Variants in ZNF710 observed in about 807,000 individuals in gnomAD.
The protein encoded by ZNF710 is zinc finger protein 710.
A neutral mutation model predicts 50.6 loss-of-function variants in ZNF710; 13 were observed. That is an observed-to-expected ratio of 0.26 (90% confidence interval 0.17 to 0.41). The LOEUF (loss-of-function observed/expected upper bound fraction) is 0.41. Ranked by LOEUF, ZNF710 falls within the 10% of genes least tolerant of loss-of-function variation. The probability of loss-of-function intolerance (pLI) is 1.00; values close to 1 mark genes in which losing one functional copy is unlikely to be tolerated. For synonymous variants in ZNF710, 383 were observed against 397.0 expected (o/e 0.96, Z 0.42); for missense variants, 721 against 936.6 (o/e 0.77, Z 3.01).
At chr15:90,046,777 G>C (rs1443412333) in intron 1 of ZNF710, among the ~76,000 whole-genome samples, 2 of 152,188 alleles carry the variant, frequency 1.3e-5, no homozygotes, top group African/African-American at 4.8e-5. Flanking sequence ...TCCTCCCTCT[G>C]AGTCTGGGTG....
intron 1 of ZNF710, among the ~76,000 whole-genome samples, chr15:90,052,515 A>C (rs1203901002): frequency 1.3e-5 from 2 of 152,220 alleles, no homozygotes; most frequent in African/African-American, 4.8e-5. Context: ...AGAGGAGTAA[A>C]TGGGGAAGAA....
chr15:90,020,487 CG>C (rs1555455966), intron 1 of ZNF710, among the ~76,000 whole-genome samples: 6,347 of 45,522 alleles, frequency 0.14, 245 homozygotes, highest in African/African-American at 0.25. Flanking sequence ...ACTGCCTCCC[CG>C]CCCCCGGGGA....
intron 1 of ZNF710, among the ~76,000 whole-genome samples, chr15:90,056,699 G>T: frequency 6.6e-6 from 1 of 152,192 alleles, no homozygotes; most frequent in South Asian, 2.1e-4. Context: ...CAGGCCCATG[G>T]CTTCTGGGAT....
chr15:90,008,892 G>A (rs960128229), intron 1 of ZNF710, among the ~76,000 whole-genome samples: 4 of 152,126 alleles, frequency 2.6e-5, no homozygotes, highest in Non-Finnish European at 5.9e-5. Flanking sequence ...AAAACTGTTG[G>A]AAATGTGAGG....
At chr15:90,050,119 C>A (rs1048183346) in intron 1 of ZNF710, among the ~76,000 whole-genome samples, 3 of 152,238 alleles carry the variant, frequency 2.0e-5, no homozygotes, top group African/African-American at 7.2e-5. Context: ...GTCCCTCCCC[C>A]CAGGAGATAC....
At chr15:90,001,082 GAGAAATA>G (rs1387768831), upstream of ZNF710, among the ~76,000 whole-genome samples, 2 of 152,096 alleles carry the variant, frequency 1.3e-5, no homozygotes, top group Admixed American at 1.3e-4. Context: ...AACCCTTTTA[GAGAAATA>G]AGAAAGGAGG....
intron 1 of ZNF710, among the ~76,000 whole-genome samples, chr15:90,045,070 A>G (rs1035758044): frequency 2.0e-5 from 3 of 151,172 alleles, no homozygotes; most frequent in Admixed American, 6.6e-5. Flanking sequence ...TCCCCCTTTG[A>G]CTCCCCCACA....
In ZNF710 at chr15:90,028,966, G is replaced by A. The variant is rs554907246; in HGVS notation, c.-29+27352G>A. ...AGAAGTGGTTGCATTAGGGTGAGAA[G>A]GAGTATTCATGTTTTTCTCATCCGT... On this transcript the variant is annotated intron_variant, in intron 1 of 4. Transcript: ENST00000268154. Among the ~76,000 whole-genome samples the A allele has an allele frequency of 1.2e-3, 183 of 152,334 alleles. 4 individuals carry two copies. Among genetic ancestry groups the A allele is most frequent in the Admixed American group, 0.012 (176 of 15,294 alleles).
intron 1 of ZNF710, among the ~76,000 whole-genome samples, chr15:90,015,148 C>T (rs935323419): frequency 6.6e-6 from 1 of 152,174 alleles, no homozygotes; most frequent in South Asian, 2.1e-4. Context: ...GCCTCAGCCT[C>T]CCAAAGTGCT....
In ZNF710 at chr15:90,059,035, C is replaced by T. The variant is rs905108552; in HGVS notation, c.-28-8075C>T. On this transcript the variant is annotated intron_variant, in intron 1 of 4. Transcript: ENST00000268154. This position sits in a 1 kb window ranked among gnomAD's most constrained non-coding sequence, Gnocchi z 4.1. ...CATCTAGCTTAGCCAAGCACACAGC[C>T]GGGCACCATAGCTTAGCCAAGATGA... is the stretch of plus-strand genomic sequence containing the variant. 5.3e-5 allele frequency among the ~76,000 whole-genome samples: 8 copies of T among 152,198 alleles called. No homozygotes were observed. Among genetic ancestry groups the T allele is most frequent in the African/African-American group, 1.4e-4 (6 of 41,438 alleles).
Position 90,068,371 on chromosome 15 carries a change from T to C in ZNF710, c.1234T>C (p.Cys412Arg). 1 of 1,612,548 alleles carries C rather than the reference T, an allele frequency of 6.2e-7. No individual in the cohort carries two copies. The highest frequency in any genetic ancestry group is 8.5e-7 in the Non-Finnish European group (1 of 1,179,316). ...TGGCCGCTGCCATGTCTGCGTCGAG[T>C]GCGGCCTGGACTTCTCCACCCTGAC... ...ESGRCHVCVECGLDFSTLTQL... is the reference protein window; with the variant it reads ...ESGRCHVCVERGLDFSTLTQL... Residue 412 changes from cysteine (C) to arginine (R), a missense_variant, in exon 2 of 5, where the codon TGC (cysteine) becomes CGC (arginine). This residue lies in a region of ZNF710 where 326 missense variants were observed against 522.0 expected (regional missense o/e 0.62). Coordinates refer to ENST00000268154, the MANE Select transcript of ZNF710 (RefSeq NM_198526.4). The surrounding 1 kb of genome is among the most constrained non-coding windows in gnomAD (Gnocchi z 5.0).
intron 1 of ZNF710, among the ~76,000 whole-genome samples, chr15:90,008,444 ATATATATATG>A (rs1898205929): frequency 7.1e-6 from 1 of 141,426 alleles, no homozygotes; most frequent in African/African-American, 2.8e-5. Flanking sequence ...ATATATACAT[ATATATATATG>A]TATATATATA....
intron 1 of ZNF710, among the ~76,000 whole-genome samples, chr15:90,012,755 A>T (rs1898348030): frequency 6.6e-6 from 1 of 152,072 alleles, no homozygotes; most frequent in African/African-American, 2.4e-5. Flanking sequence ...CATAGATTTA[A>T]TATATCTAAT....
intron 1 of ZNF710, among the ~76,000 whole-genome samples, chr15:90,027,834 A>G (rs1336582716): frequency 6.9e-6 from 1 of 145,246 alleles, no homozygotes; most frequent in Non-Finnish European, 1.5e-5. Flanking sequence ...TGATGGAGTG[A>G]GACACTGTCT....
chr15:90,063,859 C>T (rs1443820542), intron 1 of ZNF710, among the ~76,000 whole-genome samples: 1 of 152,126 alleles, frequency 6.6e-6, no homozygotes, highest in East Asian at 1.9e-4. Context: ...TATTAGGCTG[C>T]AGGGGAAAGG....
At chr15:90,029,125 T>C (rs1949886134) in intron 1 of ZNF710, among the ~76,000 whole-genome samples, 1 of 152,198 alleles carries the variant, frequency 6.6e-6, no homozygotes. Flanking sequence ...TCTTACTTTT[T>C]CCCAACGCCT....
rs181940144 is a variant in ZNF710 at position 90,076,280 on chromosome 15, T to C, written c.1825+1990T>C. Reference sequence around the variant, plus strand: ...TCTGGAATGTGGCCTGGGATCAGGATTTTTGTAAAGCACTTTGGGTGAGTC... The same window carrying C: ...TCTGGAATGTGGCCTGGGATCAGGACTTTTGTAAAGCACTTTGGGTGAGTC... On this transcript the variant is annotated intron_variant, in intron 4 of 4. Coordinates refer to ENST00000268154, the MANE Select transcript of ZNF710 (RefSeq NM_198526.4). 1.1e-4 allele frequency: 17 copies of C among 152,310 alleles called. No homozygotes were observed. In the East Asian group the frequency reaches 3.3e-3, roughly 29 times the overall value. The allele number at this position is 152,310 out of a possible 1,614,324, so 9.4% of individuals were successfully genotyped here.
rs145456321 is a variant in ZNF710 at position 90,022,554 on chromosome 15, G to A, written c.-29+20940G>A. 1.5e-3 allele frequency among the ~76,000 whole-genome samples: 224 copies of A among 152,342 alleles called. 1 individual carries two copies. Among genetic ancestry groups the A allele is most frequent in the Middle Eastern group, 3.4e-3 (1 of 294 alleles). ...AGGCTCGGGCTTCATCCTGAGGCCTGGGAGGCCACTAGTGGGTTCTGAGCA... is the reference window on the plus strand; with the variant it reads ...AGGCTCGGGCTTCATCCTGAGGCCTAGGAGGCCACTAGTGGGTTCTGAGCA... On this transcript the variant is annotated intron_variant, in intron 1 of 4. Transcript: ENST00000268154.
At chr15:90,007,607 T>C (rs576688514) in intron 1 of ZNF710, among the ~76,000 whole-genome samples, 36 of 151,856 alleles carry the variant, frequency 2.4e-4, no homozygotes, top group African/African-American at 8.2e-4. Context: ...CCAGGCATAA[T>C]TGTAAACACT....
Sources: gnomAD v4.1 joint callset for allele counts (sites outside exome capture counted in the v4.1 genomes callset) on GRCh38, gnomAD v4.1.1 for gene constraint, gnomAD v4.1.1 regional missense constraint, Gnocchi (gnomAD v3.1) non-coding constraint, MANE v1.5 for transcripts, NCBI Gene and HGNC (gene_info 2026-07-23, HGNC 2026-07-21) for gene names.